CLIP3: variants seen among roughly 807,000 people sequenced by gnomAD.
The protein encoded by CLIP3 is CAP-Gly domain containing linker protein 3.
Under a neutral mutation model 59.4 loss-of-function variants are expected in CLIP3, and 15 were observed. The ratio of observed to expected loss-of-function variants is 0.25; its 90% CI spans 0.17 to 0.39. The LOEUF is 0.39. Among genes scored for constraint, CLIP3 ranks in the 10% least tolerant of loss-of-function variants. The pLI, the probability that CLIP3 is intolerant of heterozygous loss-of-function variation, is 1.00. For missense variants in CLIP3, 495 were observed against 765.7 expected (o/e 0.65, Z 4.17); for synonymous variants, 300 against 321.6 (o/e 0.93, Z 0.72).
chr19:36,016,847 C>A lies in CLIP3; in HGVS notation c.1589+60G>T. 3 of 1,561,782 alleles carry A rather than the reference C, an allele frequency of 1.9e-6. No homozygotes were observed. Among genetic ancestry groups the A allele is most frequent in the Non-Finnish European group, 2.6e-6 (3 of 1,140,502 alleles). On this transcript the variant is annotated intron_variant, in intron 13 of 13. Coordinates refer to ENST00000360535, the MANE Select transcript of CLIP3 (RefSeq NM_015526.3). This position sits in a 1 kb window ranked among gnomAD's most constrained non-coding sequence, Gnocchi z 4.1. ...AGCTCCAGACCTCTGGGTCCAACTGCCTTATGGATCCCTCTCCCTGAATGT... is the reference window on the plus strand; with the variant it reads ...AGCTCCAGACCTCTGGGTCCAACTGACTTATGGATCCCTCTCCCTGAATGT...
At chr19:36,020,079 T>C (rs1968915089) in intron 7 of CLIP3, among the ~76,000 whole-genome samples, 1 of 151,802 alleles carries the variant, frequency 6.6e-6, no homozygotes, top group African/African-American at 2.4e-5. Flanking sequence ...CAAGACCCTA[T>C]TCTCTATAAA....
chr19:36,026,402 C>A lies in CLIP3; in HGVS notation c.563-137G>T. On this transcript the variant is annotated intron_variant, in intron 5 of 13. Coordinates refer to ENST00000360535, the MANE Select transcript of CLIP3 (RefSeq NM_015526.3). This position sits in a 1 kb window ranked among gnomAD's most constrained non-coding sequence, Gnocchi z 6.3. Reference sequence around the variant, plus strand: ...GCCCCGCCCCCACCTCGGAGCCCCCCTCTCCCTTGGCAGCCCCGACCCTCC... The same window carrying A: ...GCCCCGCCCCCACCTCGGAGCCCCCATCTCCCTTGGCAGCCCCGACCCTCC... 9.0e-7 allele frequency: 1 copy of A among 1,113,456 alleles called. No homozygotes were observed. Among genetic ancestry groups the A allele is most frequent in the Non-Finnish European group, 1.3e-6 (1 of 774,428 alleles). 69.0% of individuals were successfully genotyped at this position (1,113,456 alleles called of 1,614,324 possible). A position where few individuals can be genotyped will look rare whatever the true frequency, so the allele number is the denominator to read the frequency against.
intron 2 of CLIP3, among the ~76,000 whole-genome samples, chr19:36,029,610 A>C (rs937025346): frequency 6.6e-6 from 1 of 151,870 alleles, no homozygotes; most frequent in African/African-American, 2.4e-5. Context: ...TATTTTTATC[A>C]TAGCTCATAT....
At chr19:36,031,008 C>CTTTTTTTTTTTTTTT (rs374690845) in intron 2 of CLIP3, among the ~76,000 whole-genome samples, 79 of 77,838 alleles carry the variant, frequency 1.0e-3, no homozygotes, top group Non-Finnish European at 1.1e-3. Flanking sequence ...TTTTTCTTTT[C>CTTTTTTTTTTTTTTT]TTTTTTTTTT....
At chr19:36,024,370 T>G (rs995806759) in intron 7 of CLIP3, 26 bp downstream of exon 7, 46 of 949,394 alleles carry the variant, frequency 4.8e-5, no homozygotes, top group Non-Finnish European at 6.4e-5. Flanking sequence ...CCACCCACCA[T>G]GCAAACACAC....
At chr19:36,022,160 G>A (rs531870536) in intron 7 of CLIP3, among the ~76,000 whole-genome samples, 13 of 152,266 alleles carry the variant, frequency 8.5e-5, no homozygotes, top group Non-Finnish European at 1.8e-4. Context: ...GATTACAGGC[G>A]TGAGGCACCG....
chr19:36,017,393 T>C lies in CLIP3; in HGVS notation c.1509A>G (p.Gln503=), dbSNP rs756557219. Residue 503 remains glutamine, a synonymous_variant, in exon 12 of 14, where the codon CAA becomes CAG. Transcript: ENST00000360535. Reference sequence around the variant, plus strand: ...TATCATCCCCTAACTCACTTGTCACTTGATGCACTTTTTTGGCTCCAACGC... The same window carrying C: ...TATCATCCCCTAACTCACTTGTCACCTGATGCACTTTTTTGGCTCCAACGC... ...GDSVGAKKVH[Q]VTMTQPKRTF... The C allele has an allele frequency of 1.2e-5, 19 of 1,614,150 alleles. No homozygotes were observed. The East Asian group carries it at 3.3e-4, about 28-fold the overall frequency.
rs1440914962 is a variant in CLIP3 at position 36,026,528 on chromosome 19, G to C, written c.562+58C>G. 5.0e-6 allele frequency: 8 copies of C among 1,600,232 alleles called. No individual in the cohort carries two copies. Among genetic ancestry groups the C allele is most frequent in the Non-Finnish European group, 5.1e-6 (6 of 1,171,900 alleles). On this transcript the variant is annotated intron_variant, in intron 5 of 13. Coordinates refer to ENST00000360535, the MANE Select transcript of CLIP3 (RefSeq NM_015526.3). The surrounding 1 kb of genome is among the most constrained non-coding windows in gnomAD (Gnocchi z 6.3). The stretch of plus-strand genomic sequence containing the variant: ...CCCCTCGCAGCCTGGCCTCACCTGG[G>C]TCTCCGCGTCCCTCACCCAGGTCCT...
chr19:36,019,458 C>T, intron 7 of CLIP3, 152 bp from the exon 8 acceptor site: 1 of 849,618 alleles, frequency 1.2e-6, no homozygotes, highest in Admixed American at 2.0e-5. Flanking sequence ...ATGACTTAAC[C>T]TCTGTGTGCC....
At chr19:36,025,448 G>A (rs751609090) in intron 6 of CLIP3, among the ~76,000 whole-genome samples, 6 of 152,008 alleles carry the variant, frequency 3.9e-5, no homozygotes, top group African/African-American at 7.3e-5. Flanking sequence ...AAAATTAGCC[G>A]GGTGTGGTGG....
chr19:36,020,765 C>A (rs764899316), intron 7 of CLIP3, among the ~76,000 whole-genome samples: 2 of 152,174 alleles, frequency 1.3e-5, no homozygotes, highest in Non-Finnish European at 2.9e-5. Context: ...TTACAGAAAG[C>A]TCTGTTGGAC....
rs1317190623 is a variant in CLIP3 at position 36,015,895 on chromosome 19, A to G, written c.*263T>C. 1.5e-5 allele frequency: 8 copies of G among 540,060 alleles called. No homozygotes were observed. In the East Asian group the frequency reaches 2.4e-4, roughly 16 times the overall value. 33.5% of individuals were successfully genotyped at this position (540,060 alleles called of 1,614,324 possible). A position where few individuals can be genotyped will look rare whatever the true frequency, so the allele number is the denominator to read the frequency against. The stretch of plus-strand genomic sequence containing the variant: ...TGATATGGAAATCTGTTAATCTGGG[A>G]ATCTGCTCTGAGGGGTTGGGGATAG... On this transcript the variant is annotated 3_prime_UTR_variant, in exon 14 of 14. Transcript: ENST00000360535.
At chr19:36,024,981 G>A (rs972757281) in intron 6 of CLIP3, among the ~76,000 whole-genome samples, 11 of 151,702 alleles carry the variant, frequency 7.3e-5, no homozygotes, top group Non-Finnish European at 1.0e-4. Flanking sequence ...CAGGAGAATC[G>A]CTTGAATCCG....
At chr19:36,022,348 G>A (rs1385482992) in intron 7 of CLIP3, among the ~76,000 whole-genome samples, 1 of 152,124 alleles carries the variant, frequency 6.6e-6, no homozygotes, top group Non-Finnish European at 1.5e-5. Flanking sequence ...TCCATTTACG[G>A]ATGAAGACAT....
At position 36,016,975 on chromosome 19, in the gene CLIP3, C is replaced by T. The variant is rs546893431; in HGVS notation, c.1521G>A (p.Thr507=). The change falls in exon 13 of 14, where the codon ACG becomes ACA. Residue 507 remains threonine (T), a synonymous_variant. Transcript: ENST00000360535. The surrounding 1 kb of genome is among the most constrained non-coding windows in gnomAD (Gnocchi z 4.1). ...GAKKVHQVTM[T]QPKRTFTTVR... is the part of the protein sequence containing the mutation. Reference sequence around the variant, plus strand: ...CTGTGGTGAAGGTGCGTTTGGGCTGCGTCACTGAAGAGGAGGGCAGGATGT... The same window carrying T: ...CTGTGGTGAAGGTGCGTTTGGGCTGTGTCACTGAAGAGGAGGGCAGGATGT... 57 of 1,613,764 alleles carry T rather than the reference C, an allele frequency of 3.5e-5. No individual in the cohort carries two copies. Among genetic ancestry groups the T allele is most frequent in the Middle Eastern group, 1.6e-4 (1 of 6,084 alleles).
At position 36,019,314 on chromosome 19, in the gene CLIP3, G is replaced by C; in HGVS notation, c.919-8C>G. On this transcript the variant is annotated splice_polypyrimidine_tract_variant and splice_region_variant and intron_variant, in intron 7 of 13. Coordinates refer to ENST00000360535, the MANE Select transcript of CLIP3 (RefSeq NM_015526.3). ...GAACCGCAGTGTGCCCGTCTGGGGA[G>C]AGAAGGGAGGCGATGGCTAAGGAAG... 6.2e-7 allele frequency: 1 copy of C among 1,608,048 alleles called. No individual in the cohort carries two copies. Among genetic ancestry groups the C allele is most frequent in the Non-Finnish European group, 8.5e-7 (1 of 1,178,734 alleles).
In CLIP3 at chr19:36,015,421, G is replaced by C. The variant is rs2145382658; in HGVS notation, c.*737C>G. The stretch of plus-strand genomic sequence containing the variant: ...GAGTCTGGCCAGCACAGGAGCTGTG[G>C]GCCATGTGGGGTGGGCTTCATACAA... On this transcript the variant is annotated 3_prime_UTR_variant, in exon 14 of 14. Transcript: ENST00000360535. The C allele has an allele frequency of 6.5e-6, 1 of 152,766 alleles. No individual in the cohort carries two copies. Among genetic ancestry groups the C allele is most frequent in the South Asian group, 2.1e-4 (1 of 4,826 alleles). The allele number at this position is 152,766 out of a possible 1,614,324, so 9.5% of individuals were successfully genotyped here. A position where few individuals can be genotyped will look rare whatever the true frequency, so the allele number is the denominator to read the frequency against.
Position 36,024,376 on chromosome 19 carries a change from C to T in CLIP3, c.918+20G>A. 6.7e-7 allele frequency: 1 copy of T among 1,496,444 alleles called. No homozygotes were observed. Among genetic ancestry groups the T allele is most frequent in the Non-Finnish European group, 9.3e-7 (1 of 1,076,336 alleles). The allele number at this position is 1,496,444 out of a possible 1,614,324, so 92.7% of individuals were successfully genotyped here. A position where few individuals can be genotyped will look rare whatever the true frequency, so the allele number is the denominator to read the frequency against. ...GTCCCACCCCCACCCACCATGCAAA[C>T]ACACATCCCAGCCCCTGACCTTCTG... is the stretch of plus-strand genomic sequence containing the variant. On this transcript the variant is annotated intron_variant, in intron 7 of 13. Transcript: ENST00000360535.
At chr19:36,017,065 C>A (rs1405114806) in intron 12 of CLIP3, 86 bp from the exon 13 acceptor site, 5 of 1,340,476 alleles carry the variant, frequency 3.7e-6, no homozygotes, top group Non-Finnish European at 5.3e-6. Flanking sequence ...TCATTAATAC[C>A]TCCCCATGTC....
Sources: allele counts gnomAD v4.1 joint callset (sites outside exome capture counted in the v4.1 genomes callset), GRCh38; gene constraint gnomAD v4.1.1; non-coding constraint Gnocchi (gnomAD v3.1); transcripts MANE v1.5; gene names NCBI Gene and HGNC (gene_info 2026-07-23, HGNC 2026-07-21).